The following SMC1B variants were observed in gnomAD, a reference collection of about 807,000 sequenced individuals.
SMC1B encodes structural maintenance of chromosomes 1B, also known as structural maintenance of chromosomes protein 1B.
Under a neutral mutation model 157.9 loss-of-function variants are expected in SMC1B, and 60 were observed. That is an observed-to-expected ratio of 0.38 (90% CI 0.31 to 0.47). SMC1B has a LOEUF of 0.47. Ranked by LOEUF, SMC1B falls within the 20% of genes least tolerant of loss-of-function variation. The pLI is 0.99. For missense variants in SMC1B, 1,165 were observed against 1,426.2 expected (o/e 0.82, Z 2.95); for synonymous variants, 445 against 483.0 (o/e 0.92, Z 1.03).
chr22:45,373,224 GTT>G (rs1569183646), intron 12 of SMC1B, among the ~76,000 whole-genome samples: 2 of 152,180 alleles, frequency 1.3e-5, no homozygotes, highest in African/African-American at 4.8e-5. Context: ...TGGGGCACAC[GTT>G]CTCAGGACCT....
intron 19 of SMC1B, 34 bp from the exon 20 acceptor site, chr22:45,355,149 G>A (rs2086657443): frequency 1.9e-6 from 3 of 1,611,882 alleles, no homozygotes; most frequent in African/African-American, 2.7e-5. Flanking sequence ...TGACTGGCAT[G>A]GCATGTCTTT....
chr22:45,413,068 G>A (rs972972405), intron 1 of SMC1B, among the ~76,000 whole-genome samples: 13 of 152,154 alleles, frequency 8.5e-5, no homozygotes, highest in Non-Finnish European at 1.9e-4. Flanking sequence ...GGGGGGCGAG[G>A]GTTGGGAGCC....
rs758376117 is a variant in SMC1B, at chr22:45,402,505, G to T, written c.682C>A (p.Leu228Ile). 4.3e-6 allele frequency: 7 copies of T among 1,613,786 alleles called. No individual in the cohort carries two copies. The East Asian group carries it at 1.3e-4, about 31-fold the overall frequency. Residue 228 changes from leucine to isoleucine, a missense_variant, in exon 5 of 25, where the codon CTA (leucine) becomes ATA (isoleucine). Coordinates refer to ENST00000357450, the MANE Select transcript of SMC1B (RefSeq NM_148674.5). ...MNKIQLQLFQ[L>I]YHNEKKIHLL... ...TGAATCTTTTTCTCATTATGGTATA[G>T]TTGAAAAAGCTGCAGTTGTATCTTG...
Position 45,406,876 on chromosome 22 carries a change from A to C in SMC1B, c.299-11T>G, listed in dbSNP as rs560182902. On this transcript the variant is annotated splice_polypyrimidine_tract_variant and intron_variant, in intron 2 of 24. Coordinates refer to ENST00000357450, the MANE Select transcript of SMC1B (RefSeq NM_148674.5). ...ATTCTGAGCATCCCCCTAAAATAAA[A>C]AAATAAACCCTGTTAAAAAATATAT... 12 of 1,535,540 alleles carry C rather than the reference A, an allele frequency of 7.8e-6. No homozygotes were observed. The highest frequency in any genetic ancestry group is 1.4e-5 in the African/African-American group (1 of 71,438).
intron 11 of SMC1B, among the ~76,000 whole-genome samples, chr22:45,385,603 A>C (rs1222625103): frequency 6.6e-6 from 1 of 152,266 alleles, no homozygotes; most frequent in Middle Eastern, 3.4e-3. Flanking sequence ...ACAAGATAGA[A>C]ACCATAAATA....
intron 5 of SMC1B, 47 bp from the exon 6 acceptor site, chr22:45,399,400 A>G: frequency 1.5e-5 from 22 of 1,515,376 alleles, no homozygotes; most frequent in Non-Finnish European, 2.0e-5. Flanking sequence ...CATTTCTTTA[A>G]TATATAAAGG....
chr22:45,413,558 G>T lies in SMC1B; in HGVS notation c.10C>A (p.Leu4Met). 6.2e-7 allele frequency: 1 copy of T among 1,606,294 alleles called. No homozygotes were observed. The highest frequency in any genetic ancestry group is 1.3e-5 in the African/African-American group (1 of 74,838). MAH[L>M]ELLLVENFKS... ...AAATTTTCCACAAGCAGCAGCTCCA[G>T]GTGGGCCATGGCGCCGCCCTCCACG... The change falls in exon 1 of 25, where the codon CTG becomes ATG. Residue 4 changes from leucine (L) to methionine (M), a missense_variant. Leu to Met is a conservative substitution (Grantham distance 15, BLOSUM62 2). Coordinates refer to ENST00000357450, the MANE Select transcript of SMC1B (RefSeq NM_148674.5).
Position 45,393,687 on chromosome 22 carries a change from G to T in SMC1B, c.1492C>A (p.Gln498Lys). 1 of 1,614,016 alleles carries T rather than the reference G, an allele frequency of 6.2e-7. No individual in the cohort carries two copies. Among genetic ancestry groups the T allele is most frequent in the Non-Finnish European group, 8.5e-7 (1 of 1,179,982 alleles). ...TGTTCCAGAACCTCTGCTCTCTTTT[G>T]CTGACGTTTTCCCTCATGGGTATCA... ...GIDTHEGKRQQKRAEVLEHLK... is the reference protein window; with the variant it reads ...GIDTHEGKRQKKRAEVLEHLK... The change falls in exon 9 of 25, where the codon CAA (glutamine) becomes AAA (lysine). Residue 498 changes from glutamine to lysine, a missense_variant. Physicochemically the swap from Gln to Lys is moderately conservative, Grantham distance 53 (BLOSUM62 1). Transcript: ENST00000357450.
At chr22:45,404,464 GAGACAACCAACTA>G (rs1234714393) in intron 4 of SMC1B, among the ~76,000 whole-genome samples, 6 of 152,126 alleles carry the variant, frequency 3.9e-5, no homozygotes, top group Non-Finnish European at 8.8e-5. Context: ...CCTGAACCAG[GAGACAACCAACTA>G]AGAGTCCCAT....
intron 15 of SMC1B, among the ~76,000 whole-genome samples, chr22:45,367,578 C>T (rs2086788928): frequency 6.6e-6 from 1 of 152,168 alleles, no homozygotes; most frequent in Non-Finnish European, 1.5e-5. Flanking sequence ...ACTGGGGATG[C>T]TAGTCCTGCT....
chr22:45,346,858 TACTC>T (rs1199959451), intron 23 of SMC1B, among the ~76,000 whole-genome samples: 1 of 152,212 alleles, frequency 6.6e-6, no homozygotes, highest in African/African-American at 2.4e-5. Context: ...TAACTGCTCA[TACTC>T]AATTCAGCAA....
intron 23 of SMC1B, among the ~76,000 whole-genome samples, chr22:45,347,027 A>G (rs141159402): frequency 6.6e-6 from 1 of 152,212 alleles, no homozygotes; most frequent in Middle Eastern, 3.2e-3. Flanking sequence ...TACCTTCAAT[A>G]CAGCCAAGAA....
Position 45,406,619 on chromosome 22 carries a change from G to C in SMC1B, c.456C>G (p.Thr152=). 6.2e-7 allele frequency: 1 copy of C among 1,613,328 alleles called. No individual in the cohort carries two copies. Among genetic ancestry groups the C allele is most frequent in the Non-Finnish European group, 8.5e-7 (1 of 1,179,846 alleles). Residue 152 remains threonine, a synonymous_variant, in exon 4 of 25, where the codon ACC becomes ACG. Coordinates refer to ENST00000357450, the MANE Select transcript of SMC1B (RefSeq NM_148674.5). The part of the protein sequence containing the change: ...SISVKKPKER[T]QFFEEISTSG... ...AAGTGCTGATTTCCTCAAAAAACTG[G>C]GTCCTTTCTTTGGGTTTCTTCACTG...
chr22:45,411,007 A>G (rs1210203978), intron 1 of SMC1B, among the ~76,000 whole-genome samples: 1 of 152,268 alleles, frequency 6.6e-6, no homozygotes, highest in African/African-American at 2.4e-5. Context: ...GTATTAAGTA[A>G]CAAAACTAAA....
intron 21 of SMC1B, 53 bp downstream of exon 21, chr22:45,353,925 C>CAAAAA (rs2086642993): frequency 3.3e-6 from 1 of 302,458 alleles, no homozygotes; most frequent in African/African-American, 3.0e-5. Context: ...AAAAAACAAC[C>CAAAAA]ACCACCGGTA....
intron 15 of SMC1B, among the ~76,000 whole-genome samples, chr22:45,366,896 T>G (rs1262763761): frequency 6.6e-6 from 1 of 152,224 alleles, no homozygotes; most frequent in Admixed American, 6.5e-5. Context: ...TTACTGATTC[T>G]TTCCTCTGCT....
chr22:45,387,431 CA>C (rs2087001448), intron 10 of SMC1B, among the ~76,000 whole-genome samples: 1 of 151,262 alleles, frequency 6.6e-6, no homozygotes, highest in African/African-American at 2.4e-5. Context: ...GCCTAGGCAA[CA>C]GAGTGAGACT....
chr22:45,355,173 G>A (rs2086657719), intron 19 of SMC1B, 58 bp from the exon 20 acceptor site: 4 of 1,581,924 alleles, frequency 2.5e-6, no homozygotes, highest in Non-Finnish European at 3.5e-6. Context: ...ATCCAGCAAG[G>A]TAGGGTGCGT....
intron 15 of SMC1B, among the ~76,000 whole-genome samples, chr22:45,369,119 A>G (rs1311484564): frequency 6.6e-6 from 1 of 150,564 alleles, no homozygotes; most frequent in Non-Finnish European, 1.5e-5. Flanking sequence ...TTTTTTTGAG[A>G]CGGAATCTTG....
Sources: gnomAD v4.1 joint callset for allele counts (sites outside exome capture counted in the v4.1 genomes callset) on GRCh38, gnomAD v4.1.1 for gene constraint, MANE v1.5 for transcripts, NCBI Gene and HGNC (gene_info 2026-07-23, HGNC 2026-07-21) for gene names.